Variants in CAMK4 observed in about 807,000 individuals in gnomAD.
The protein encoded by CAMK4 is calcium/calmodulin dependent protein kinase IV, also known as calcium/calmodulin-dependent protein kinase type IV.
A neutral mutation model predicts 44.9 loss-of-function variants in CAMK4; 22 were observed. The ratio of observed to expected loss-of-function variants is 0.49; its 90% confidence interval spans 0.35 to 0.70. The LOEUF (loss-of-function observed/expected upper bound fraction) is 0.70. CAMK4 is among the 30% of genes least tolerant of loss of function. The pLI is 0.01. For missense variants in CAMK4, 498 were observed against 586.8 expected (o/e 0.85, Z 1.56); for synonymous variants, 218 against 215.4 (o/e 1.01, Z -0.11).
chr5:111,395,230 A>AAAAAAAAAAAAAAG (rs1561460468), intron 5 of CAMK4, among the ~76,000 whole-genome samples: 19 of 106,440 alleles, frequency 1.8e-4, no homozygotes, highest in South Asian at 3.1e-4. Flanking sequence ...AAAAAAAAGA[A>AAAAAAAAAAAAAAG]AAAAAAAAAG....
At chr5:111,374,993 T>G in intron 3 of CAMK4, 81 bp downstream of exon 3, 1 of 828,154 alleles carries the variant, frequency 1.2e-6, no homozygotes. Flanking sequence ...TCAGTGCTGA[T>G]AATGAGAAGG....
chr5:111,444,002 C>G (rs1186272939), intron 5 of CAMK4, among the ~76,000 whole-genome samples: 1 of 152,212 alleles, frequency 6.6e-6, no homozygotes, highest in African/African-American at 2.4e-5. Context: ...GTCGAGCATG[C>G]TCCTCTGTCA....
At chr5:111,235,385 C>T (rs1453300514) in intron 1 of CAMK4, among the ~76,000 whole-genome samples, 2 of 152,028 alleles carry the variant, frequency 1.3e-5, no homozygotes, top group Non-Finnish European at 2.9e-5. Context: ...TTCAATAAAT[C>T]AGCCTGGCCT....
Position 111,491,399 on chromosome 5 carries a change from T to C in CAMK4, c.*6933T>C, listed in dbSNP as rs1379583781. 2 of 151,928 alleles carry C rather than the reference T, an allele frequency of 1.3e-5. No individual in the cohort carries two copies. The highest frequency in any genetic ancestry group is 2.9e-5 in the Non-Finnish European group (2 of 67,984). The allele number at this position is 151,928 out of a possible 1,614,324, so 9.4% of individuals were successfully genotyped here. A position where few individuals can be genotyped will look rare whatever the true frequency, so the allele number is the denominator to read the frequency against. On this transcript the variant is annotated 3_prime_UTR_variant, in exon 11 of 11. Coordinates refer to ENST00000282356, the MANE Select transcript of CAMK4 (RefSeq NM_001744.6). ...GGCACCCCAATGCCTTTTTGGTGACTTGCAGGAATACAGATTCCTATATTC... is the reference window on the plus strand; with the variant it reads ...GGCACCCCAATGCCTTTTTGGTGACCTGCAGGAATACAGATTCCTATATTC...
At chr5:111,439,318 C>A (rs1753748603) in intron 5 of CAMK4, among the ~76,000 whole-genome samples, 2 of 152,046 alleles carry the variant, frequency 1.3e-5, no homozygotes, top group Admixed American at 1.3e-4. Context: ...GACAGCTAAG[C>A]TGGTTATTAG....
intron 1 of CAMK4, among the ~76,000 whole-genome samples, chr5:111,329,953 C>G (rs1749087889): frequency 6.6e-6 from 1 of 151,714 alleles, no homozygotes; most frequent in East Asian, 2.0e-4. Context: ...TATCTGCTCC[C>G]ACTACTTCAA....
At chr5:111,279,200 G>A (rs1471062274) in intron 1 of CAMK4, among the ~76,000 whole-genome samples, 1 of 152,172 alleles carries the variant, frequency 6.6e-6, no homozygotes, top group Non-Finnish European at 1.5e-5. Flanking sequence ...ACACTGACCT[G>A]AGAAGTCGGG....
At chr5:111,286,590 A>G (rs1476271013) in intron 1 of CAMK4, among the ~76,000 whole-genome samples, 1 of 152,186 alleles carries the variant, frequency 6.6e-6, no homozygotes. Context: ...GGCAGGACTC[A>G]AATCCAGTTC....
intron 5 of CAMK4, among the ~76,000 whole-genome samples, chr5:111,424,434 C>CTTTTTTTTTTTTTTTTTTTT (rs34618322): frequency 1.5e-5 from 1 of 64,896 alleles, no homozygotes; most frequent in African/African-American, 6.4e-5. Context: ...ATCTTCTATT[C>CTTTTTTTTTTTTTTTTTTTT]TTTTTTTTTT....
chr5:111,232,160 A>G (rs1414258821), intron 1 of CAMK4, among the ~76,000 whole-genome samples: 1 of 152,178 alleles, frequency 6.6e-6, no homozygotes, highest in Admixed American at 6.6e-5. Context: ...GTGGTGGGGT[A>G]AGGGCCTAGA....
intron 2 of CAMK4, among the ~76,000 whole-genome samples, chr5:111,356,809 G>A (rs1178960981): frequency 6.6e-6 from 1 of 152,148 alleles, no homozygotes; most frequent in East Asian, 1.9e-4. Context: ...AGATCAGATA[G>A]TTGTAGATAT....
chr5:111,474,590 G>A (rs1288130376), intron 8 of CAMK4, among the ~76,000 whole-genome samples: 3 of 152,104 alleles, frequency 2.0e-5, no homozygotes, highest in African/African-American at 7.2e-5. Flanking sequence ...TTTTGGGGTT[G>A]GAGGGGGGAA....
intron 1 of CAMK4, among the ~76,000 whole-genome samples, chr5:111,237,350 A>T (rs1033463697): frequency 6.6e-5 from 10 of 152,250 alleles, no homozygotes; most frequent in African/African-American, 2.2e-4. Context: ...CCATGTGTGC[A>T]CCTGCGTTTT....
chr5:111,404,200 A>G (rs1422544828), intron 5 of CAMK4, among the ~76,000 whole-genome samples: 1 of 152,218 alleles, frequency 6.6e-6, no homozygotes, highest in Admixed American at 6.5e-5. Context: ...CATATTGAAC[A>G]AACATGCATG....
intron 5 of CAMK4, among the ~76,000 whole-genome samples, chr5:111,428,017 C>T (rs1753293583): frequency 1.3e-5 from 2 of 152,234 alleles, no homozygotes; most frequent in African/African-American, 4.8e-5. Flanking sequence ...ACTCCATCCC[C>T]AGATGTAGGT....
intron 1 of CAMK4, among the ~76,000 whole-genome samples, chr5:111,338,562 G>T (rs1320462835): frequency 2.6e-5 from 4 of 151,216 alleles, no homozygotes; most frequent in South Asian, 2.1e-4. Context: ...CAGAAAGGTG[G>T]TTCCTTGATT....
intron 5 of CAMK4, among the ~76,000 whole-genome samples, chr5:111,403,372 G>T (rs1346656219): frequency 2.0e-5 from 3 of 152,048 alleles, no homozygotes; most frequent in African/African-American, 7.2e-5. Context: ...TTTGTTGTTT[G>T]TTTGAAACCT....
intron 10 of CAMK4, 128 bp downstream of exon 10, chr5:111,483,065 A>G: frequency 1.3e-6 from 1 of 782,196 alleles, no homozygotes. Flanking sequence ...CACCAGGGAA[A>G]ATCCTGCTTT....
intron 1 of CAMK4, among the ~76,000 whole-genome samples, chr5:111,254,374 C>T (rs11952191): frequency 0.22 from 33,047 of 152,052 alleles, 4,053 homozygotes; most frequent in African/African-American, 0.33. Context: ...TGGCAGTGTG[C>T]GCTGTGAGAT....
Sources: gnomAD v4.1 joint callset for allele counts (sites outside exome capture counted in the v4.1 genomes callset) on GRCh38, gnomAD v4.1.1 for gene constraint, MANE v1.5 for transcripts, NCBI Gene and HGNC (gene_info 2026-07-23, HGNC 2026-07-21) for gene names.